Variants in SATB2 observed in about 807,000 individuals in gnomAD.
SATB2 encodes the protein DNA-binding protein SATB2.
A neutral mutation model predicts 73.4 loss-of-function variants in SATB2; 1 was observed. The observed-to-expected ratio is 0.01, with a 90% CI of 0.00 to 0.06. SATB2 has a LOEUF of 0.06. Ranked by LOEUF, SATB2 falls within the 10% of genes least tolerant of loss-of-function variation. SATB2 has a pLI of 1.00. For missense variants in SATB2, 459 were observed against 945.8 expected, an observed-to-expected ratio of 0.49 and a Z score of 6.75; for synonymous variants, 397 against 367.0, an observed-to-expected ratio of 1.08 and a Z score of -0.93.
At chr2:199,354,277 A>G (rs1033571201) in intron 6 of SATB2, among the ~76,000 whole-genome samples, 2 of 152,148 alleles carry the variant, frequency 1.3e-5, no homozygotes, top group Non-Finnish European at 2.9e-5. Context: ...AATCACTTGA[A>G]TCCAGGAGGC....
intron 6 of SATB2, among the ~76,000 whole-genome samples, chr2:199,355,214 T>C (rs1234435909): frequency 1.3e-5 from 2 of 149,714 alleles, no homozygotes; most frequent in African/African-American, 4.9e-5. Context: ...TATATATATA[T>C]AGTGTGTATA....
chr2:199,303,381 C>T (rs181477969), intron 10 of SATB2, among the ~76,000 whole-genome samples: 14 of 152,040 alleles, frequency 9.2e-5, no homozygotes, highest in African/African-American at 1.9e-4. Flanking sequence ...GAGGCAGGGG[C>T]GGAGGAAGAA....
At chr2:199,374,969 GA>G (rs1190263771) in intron 5 of SATB2, among the ~76,000 whole-genome samples, 151 of 121,230 alleles carry the variant, frequency 1.2e-3, no homozygotes, top group Admixed American at 3.1e-3. Flanking sequence ...GTCGCAAAAA[GA>G]AAAAAAAAAA....
chr2:199,466,713 G>A (rs1304334965), upstream of SATB2, among the ~76,000 whole-genome samples: 1 of 152,182 alleles, frequency 6.6e-6, no homozygotes, highest in African/African-American at 2.4e-5. Flanking sequence ...GGAACTTAGG[G>A]TGTCTCACAT....
intron 7 of SATB2, among the ~76,000 whole-genome samples, chr2:199,338,394 A>AAAGTGCAGGTTTCT (rs1479437760): frequency 1.3e-5 from 2 of 152,042 alleles, no homozygotes; most frequent in East Asian, 3.9e-4. Context: ...GAAAAAAAAA[A>AAAGTGCAGGTTTCT]AAGTGCAGGT....
chr2:199,326,149 G>A (rs1025945490), intron 8 of SATB2: 1 of 151,986 alleles, frequency 6.6e-6, no homozygotes. Context: ...ACTGTACTAC[G>A]ATCTTTACTG....
rs1436915724 is a variant in SATB2, at chr2:199,393,559, T to C, written c.347-11739A>G. Among the ~76,000 whole-genome samples the C allele has an allele frequency of 3.3e-5, 5 of 151,982 alleles. No individual in the cohort carries two copies. In the East Asian group the frequency reaches 7.7e-4, roughly 23 times the overall value. On this transcript the variant is annotated intron_variant, in intron 3 of 10. Transcript: ENST00000417098. ...TACAGTCCCAGAGACTTACTGATAA[T>C]CTCCATGGCCCCTTGCAGTTCTGAC...
chr2:199,272,325 G>A lies in SATB2; in HGVS notation c.2088C>T (p.Thr696=), dbSNP rs143484322. Reference sequence around the variant, plus strand: ...CCTCGCTGTCGTTCTCCTCTGACTCGGTCAGCAGCTCCTCGTCCTTATATT... The same window carrying A: ...CCTCGCTGTCGTTCTCCTCTGACTCAGTCAGCAGCTCCTCGTCCTTATATT... The part of the protein sequence containing the change: ...VAEYKDEELL[T]ESEENDSEEG... The change falls in exon 11 of 11, where the codon ACC becomes ACT. Residue 696 remains threonine (T), a synonymous_variant. Coordinates refer to ENST00000417098, the MANE Select transcript of SATB2 (RefSeq NM_001172509.2). The surrounding 1 kb of genome is among the most constrained non-coding windows in gnomAD (Gnocchi z 6.7). The A allele has an allele frequency of 2.6e-4, 419 of 1,614,072 alleles. No individual in the cohort carries two copies. The highest frequency in any genetic ancestry group is 7.6e-4 in the South Asian group (69 of 91,082).
At chr2:199,362,600 T>C (rs1479408206) in intron 6 of SATB2, among the ~76,000 whole-genome samples, 1 of 152,148 alleles carries the variant, frequency 6.6e-6, no homozygotes, top group Non-Finnish European at 1.5e-5. Context: ...AACATTTAGT[T>C]AAAATTATTT....
rs749170294 is a variant in SATB2 at position 199,308,774 on chromosome 2, G to T, written c.1726C>A (p.Pro576Thr). The T allele has an allele frequency of 2.5e-6, 4 of 1,614,080 alleles. No individual in the cohort carries two copies. The Admixed American group carries it at 5.0e-5, about 20-fold the overall frequency. The part of the protein sequence containing the change: ...ERMQHVVQLP[P>T]EPVQVLHRQQ... ...GGGACACTGACCTGCACCGGCTCAG[G>T]GGGAAGCTGGACCACGTGTTGCATG... Residue 576 changes from proline to threonine, a missense_variant, in exon 10 of 11, where the codon CCT (proline) becomes ACT (threonine). Around this residue, in one of 13 missense-constraint regions of SATB2, gnomAD observed 74 missense variants for 136.1 expected, o/e 0.54. Transcript: ENST00000417098. The surrounding 1 kb of genome is among the most constrained non-coding windows in gnomAD (Gnocchi z 4.6).
chr2:199,354,660 C>T (rs1211440747), intron 6 of SATB2, among the ~76,000 whole-genome samples: 10 of 152,162 alleles, frequency 6.6e-5, no homozygotes, highest in Admixed American at 6.5e-4. Flanking sequence ...TCCAGATAAA[C>T]AGTTCAGATA....
intron 10 of SATB2, among the ~76,000 whole-genome samples, chr2:199,280,235 C>T (rs190140890): frequency 6.6e-4 from 101 of 152,288 alleles, no homozygotes; most frequent in Non-Finnish European, 5.1e-4. Context: ...CGATCAATAC[C>T]CTTGTGATTT....
At chr2:199,371,975 GTATAA>G (rs1177522045) in intron 5 of SATB2, among the ~76,000 whole-genome samples, 1 of 152,064 alleles carries the variant, frequency 6.6e-6, no homozygotes, top group African/African-American at 2.4e-5. Flanking sequence ...GAGGGTACAC[GTATAA>G]TGGGCAACTG....
At chr2:199,446,479 G>A (rs1289374830) in intron 2 of SATB2, among the ~76,000 whole-genome samples, 2 of 151,638 alleles carry the variant, frequency 1.3e-5, no homozygotes, top group South Asian at 2.1e-4. Flanking sequence ...GAAGGTGATC[G>A]TATGAAAAAA....
chr2:199,370,576 AG>A (rs1032638904), intron 5 of SATB2, among the ~76,000 whole-genome samples: 2 of 152,120 alleles, frequency 1.3e-5, no homozygotes, highest in Non-Finnish European at 2.9e-5. Flanking sequence ...TAAAACGAAC[AG>A]TGTCTAATTA....
chr2:199,427,271 GC>G (rs2105921119), intron 3 of SATB2, among the ~76,000 whole-genome samples: 1 of 152,108 alleles, frequency 6.6e-6, no homozygotes, highest in African/African-American at 2.4e-5. Flanking sequence ...AATTAAAGCA[GC>G]AAACCTAAGT....
rs36011191 is a variant in SATB2 at position 199,436,843 on chromosome 2, AAGAGAG to A, written c.170-3335_170-3330del. Among the ~76,000 whole-genome samples the A allele has an allele frequency of 1.0e-4, 15 of 148,896 alleles. 2 individuals are homozygous for A. The South Asian group carries it at 2.7e-3, about 27-fold the overall frequency. On this transcript the variant is annotated intron_variant, in intron 2 of 10. Transcript: ENST00000417098. ...GGATGAGTAAAAATATATGCCAAGA[AAGAGAG>A]AGAGAGAGAGAGAGATTTGTCCATC...
chr2:199,458,734 G>A (rs1278126294), upstream of SATB2: 1 of 426,280 alleles, frequency 2.3e-6, no homozygotes. Flanking sequence ...TTTGGAGATA[G>A]GAGGGCGATC....
intron 8 of SATB2, chr2:199,325,860 T>C (rs1688014889): frequency 1.3e-5 from 2 of 152,332 alleles, no homozygotes; most frequent in South Asian, 4.1e-4. Flanking sequence ...AGTAAGCGTT[T>C]TAACAAATGA....
Sources: gnomAD v4.1 joint callset for allele counts (sites outside exome capture counted in the v4.1 genomes callset) on GRCh38, gnomAD v4.1.1 for gene constraint, gnomAD v4.1.1 regional missense constraint, Gnocchi (gnomAD v3.1) non-coding constraint, MANE v1.5 for transcripts, NCBI Gene and HGNC (gene_info 2026-07-23, HGNC 2026-07-21) for gene names.